The following C5orf63 variants were observed in gnomAD, a reference collection of about 807,000 sequenced individuals.
C5orf63 encodes glutaredoxin-like protein C5orf63.
C5orf63 carries 18 observed loss-of-function variants against 13.3 expected under a neutral mutation model. That is an observed-to-expected ratio of 1.36 (90% CI 0.94 to 2.01). The LOEUF is 2.01. C5orf63 is among the 30% of genes most tolerant of loss of function. The pLI is 0.00. For synonymous variants in C5orf63, 38 were observed against 44.7 expected, an observed-to-expected ratio of 0.85 and a Z score of 0.60; for missense variants, 118 against 127.7, an observed-to-expected ratio of 0.92 and a Z score of 0.36.
intron 2 of C5orf63, among the ~76,000 whole-genome samples, chr5:127,068,742 C>A (rs1335083452): frequency 1.3e-5 from 2 of 152,004 alleles, no homozygotes; most frequent in Non-Finnish European, 2.9e-5. Context: ...CTTTCCAGAT[C>A]ATTGCTTTGG....
chr5:127,065,052 T>C (rs1254384465), intron 2 of C5orf63, among the ~76,000 whole-genome samples: 2 of 152,194 alleles, frequency 1.3e-5, no homozygotes, highest in Non-Finnish European at 1.5e-5. Context: ...AGCTCTCAGA[T>C]GGACTAATCA....
chr5:127,064,125 G>A (rs941117387), intron 2 of C5orf63, among the ~76,000 whole-genome samples: 1 of 152,132 alleles, frequency 6.6e-6, no homozygotes, highest in African/African-American at 2.4e-5. Flanking sequence ...CTGGGATCTT[G>A]GGTTCAAGGG....
At chr5:127,046,689 G>T (rs190416132), downstream of C5orf63, 58 of 152,352 alleles carry the variant, frequency 3.8e-4, no homozygotes, top group African/African-American at 1.2e-3. Context: ...TATAGATTTG[G>T]TCAGCCAACT....
chr5:127,050,712 A>G (rs1382185314), downstream of C5orf63, among the ~76,000 whole-genome samples: 3 of 152,190 alleles, frequency 2.0e-5, no homozygotes, highest in Admixed American at 1.3e-4. Flanking sequence ...ACAATGTCTA[A>G]GGTCAGCTAG....
In C5orf63 at chr5:127,058,226, A is replaced by G. The variant is rs138748048; in HGVS notation, c.114+656T>C. Among the ~76,000 whole-genome samples the G allele has an allele frequency of 8.5e-5, 13 of 152,114 alleles. No individual in the cohort carries two copies. In the East Asian group the frequency reaches 2.5e-3, roughly 29 times the overall value. On this transcript the variant is annotated intron_variant, in intron 3 of 4. Coordinates refer to ENST00000296662, the MANE Select transcript of C5orf63 (RefSeq NM_001164478.2). Reference sequence around the variant, plus strand: ...CCTCAATTAGGCCCTGGTGTCTATCATTCCCCTCTTTGTGTGCATGTGTAC... The same window carrying G: ...CCTCAATTAGGCCCTGGTGTCTATCGTTCCCCTCTTTGTGTGCATGTGTAC...
chr5:127,048,939 C>T (rs910416675), downstream of C5orf63, among the ~76,000 whole-genome samples: 33 of 152,142 alleles, frequency 2.2e-4, no homozygotes, highest in Non-Finnish European at 4.3e-4. Flanking sequence ...CAACCTGGGT[C>T]CTAGGGGCTA....
chr5:127,052,704 C>A, intron 3 of C5orf63, 35 bp from the exon 4 acceptor site: 2 of 1,442,346 alleles, frequency 1.4e-6, no homozygotes, highest in Non-Finnish European at 1.8e-6. Context: ...CGATTAAACC[C>A]AAAGAATGGC....
At chr5:127,044,805 G>T (rs1021972818), downstream of C5orf63, 2 of 149,088 alleles carry the variant, frequency 1.3e-5, no homozygotes, top group Admixed American at 6.7e-5. Flanking sequence ...CTGGAGAACG[G>T]GGTCTTGCTA....
At position 127,065,454 on chromosome 5, in the gene C5orf63, G is replaced by A. The variant is rs78714699; in HGVS notation, c.-8+6130C>T. ...CTTAAATCATTTCATTGAGAATTTGGATATGTAGAAAAAAGGGAAAGCTTT... is the reference window on the plus strand; with the variant it reads ...CTTAAATCATTTCATTGAGAATTTGAATATGTAGAAAAAAGGGAAAGCTTT... On this transcript the variant is annotated intron_variant, in intron 2 of 4. Transcript: ENST00000296662. Among the ~76,000 whole-genome samples, 445 of 152,268 alleles carry A rather than the reference G, an allele frequency of 2.9e-3. 3 individuals are homozygous for A. The highest frequency in any genetic ancestry group is 0.024 in the Middle Eastern group (7 of 294).
chr5:127,061,462 C>T (rs142529473), intron 2 of C5orf63, among the ~76,000 whole-genome samples: 39 of 152,270 alleles, frequency 2.6e-4, no homozygotes, highest in Non-Finnish European at 5.0e-4. Flanking sequence ...TCTCTGCCAA[C>T]TAAATGATCC....
At chr5:127,067,395 G>T (rs551367112) in intron 2 of C5orf63, among the ~76,000 whole-genome samples, 3 of 152,208 alleles carry the variant, frequency 2.0e-5, no homozygotes, top group African/African-American at 7.2e-5. Flanking sequence ...CAGAAATGCG[G>T]AATTGCAAAA....
intron 2 of C5orf63, among the ~76,000 whole-genome samples, chr5:127,065,774 T>G (rs1469401637): frequency 6.6e-6 from 1 of 152,092 alleles, no homozygotes; most frequent in East Asian, 1.9e-4. Context: ...AAAAGGAGAA[T>G]GGAGGTGGGA....
At chr5:127,067,194 T>A (rs902295735) in intron 2 of C5orf63, among the ~76,000 whole-genome samples, 2 of 152,104 alleles carry the variant, frequency 1.3e-5, no homozygotes, top group Non-Finnish European at 2.9e-5. Flanking sequence ...TGATTGGGTA[T>A]CTTAAAAAGA....
intron 2 of C5orf63, among the ~76,000 whole-genome samples, chr5:127,064,867 T>C (rs916994855): frequency 6.6e-5 from 10 of 152,272 alleles, no homozygotes; most frequent in African/African-American, 2.4e-4. Context: ...CTTTAGCTAT[T>C]TGAAGTGTGG....
intron 2 of C5orf63, among the ~76,000 whole-genome samples, chr5:127,060,221 GA>G (rs1413856555): frequency 6.6e-6 from 1 of 151,426 alleles, no homozygotes; most frequent in Non-Finnish European, 1.5e-5. Flanking sequence ...TACCTTGTCA[GA>G]AAAAAAAATC....
At chr5:127,048,798 C>T (rs1753585702), downstream of C5orf63, among the ~76,000 whole-genome samples, 1 of 152,140 alleles carries the variant, frequency 6.6e-6, no homozygotes, top group Non-Finnish European at 1.5e-5. Flanking sequence ...TCCAAGAGAA[C>T]AAACGTCTCT....
intron 2 of C5orf63, among the ~76,000 whole-genome samples, chr5:127,069,346 T>C (rs1580536116): frequency 6.6e-6 from 1 of 152,186 alleles, no homozygotes; most frequent in Admixed American, 6.5e-5. Flanking sequence ...AGAAGGCAAT[T>C]TCATTAAACA....
intron 2 of C5orf63, among the ~76,000 whole-genome samples, chr5:127,060,240 C>T (rs1754049343): frequency 6.6e-6 from 1 of 152,144 alleles, no homozygotes; most frequent in African/African-American, 2.4e-5. Flanking sequence ...ATCTACTCAA[C>T]TCCTTAAGAA....
Position 127,053,919 on chromosome 5 carries a change from CAT to C in C5orf63, c.115-1252_115-1251del, listed in dbSNP as rs1366817151. ...ACCTGTGCATGTGTCTTTAGAGTAG[CAT>C]GATTTATAATCCTTTGATTTATAAT... is the stretch of plus-strand genomic sequence containing the variant. On this transcript the variant is annotated intron_variant, in intron 3 of 4. Coordinates refer to ENST00000296662, the MANE Select transcript of C5orf63 (RefSeq NM_001164478.2). 5.9e-5 allele frequency among the ~76,000 whole-genome samples: 9 copies of C among 152,120 alleles called. No individual in the cohort carries two copies. The East Asian group carries it at 1.2e-3, about 20-fold the overall frequency.
Sources: gnomAD v4.1 joint callset for allele counts (sites outside exome capture counted in the v4.1 genomes callset) on GRCh38, gnomAD v4.1.1 for gene constraint, MANE v1.5 for transcripts, NCBI Gene and HGNC (gene_info 2026-07-23, HGNC 2026-07-21) for gene names.